INTS1: variants seen among roughly 807,000 people sequenced by gnomAD.
INTS1 encodes integrator complex subunit 1.
INTS1 carries 137 observed loss-of-function variants against 241.6 expected under a neutral mutation model. The observed-to-expected ratio is 0.57, with a 90% CI of 0.49 to 0.65. The LOEUF (loss-of-function observed/expected upper bound fraction) is 0.65, where lower values mean the gene tolerates loss of function less well. INTS1 is among the 30% of genes least tolerant of loss of function. The probability of loss-of-function intolerance (pLI) is 0.00; values close to 1 mark genes in which losing one functional copy is unlikely to be tolerated. For synonymous variants in INTS1, 1,692 were observed against 1,337.8 expected (o/e 1.26, Z -5.78); for missense variants, 3,073 against 3,032.2 (o/e 1.01, Z -0.32).
chr7:1,473,774 G>A (rs886709078), intron 41 of INTS1, 81 bp from the exon 42 acceptor site: 16 of 1,556,656 alleles, frequency 1.0e-5, no homozygotes, highest in African/African-American at 1.4e-5. Context: ...TGCTCCCAGA[G>A]CCTCAGGGCA....
intron 8 of INTS1, 45 bp downstream of exon 8, chr7:1,498,930 G>GGCCCCCCCCCCCCGCCCCCCCCCC: frequency 6.8e-7 from 1 of 1,460,178 alleles, no homozygotes; most frequent in African/African-American, 1.4e-5. Context: ...CACAGAGCCT[G>GGCCCCCCCCCCCCGCCCCCCCCCC]CCCCCACCCC....
intron 33 of INTS1, 42 bp from the exon 34 acceptor site, chr7:1,477,978 G>T (rs373469420): frequency 6.3e-7 from 1 of 1,577,468 alleles, no homozygotes; most frequent in Non-Finnish European, 8.7e-7. Context: ...CTCCCAGGTC[G>T]GGTGGGGGCC....
chr7:1,500,295 C>T lies in INTS1; in HGVS notation c.421G>A (p.Val141Met), dbSNP rs376105383. 2.8e-5 allele frequency: 44 copies of T among 1,593,432 alleles called. No homozygotes were observed. Among genetic ancestry groups the T allele is most frequent in the Admixed American group, 1.7e-5 (1 of 57,980 alleles). The change falls in exon 4 of 48, where the codon GTG becomes ATG. Residue 141 changes from valine (V) to methionine (M), a missense_variant. Transcript: ENST00000404767. The part of the protein sequence containing the change: ...LEGNDDRIEG[V>M]LCGAVKQLKV... ...AGCTGCTTCACGGCCCCGCACAGCA[C>T]GCCCTCGATCCTGTCATCGTTGCCC...
At chr7:1,489,895 GTC>G (rs1782463320) in intron 16 of INTS1, among the ~76,000 whole-genome samples, 1 of 151,840 alleles carries the variant, frequency 6.6e-6, no homozygotes, top group Non-Finnish European at 1.5e-5. Context: ...ACCTTTCTAA[GTC>G]TCTGTTTCCC....
chr7:1,498,292 CGAG>C lies in INTS1; in HGVS notation c.1425+117_1425+119del. 6 of 1,452,386 alleles carry C rather than the reference CGAG, an allele frequency of 4.1e-6. No individual in the cohort carries two copies. In the East Asian group the frequency reaches 9.9e-5, roughly 24 times the overall value. The allele number at this position is 1,452,386 out of a possible 1,614,324, so 90.0% of individuals were successfully genotyped here. Reference sequence around the variant, plus strand: ...AGTTTCAAAAGCTCCTTCCCGAGACCGAGGAGCATTCTCCCACGAAGCACTGCC... The same window carrying C: ...AGTTTCAAAAGCTCCTTCCCGAGACCGAGCATTCTCCCACGAAGCACTGCC... On this transcript the variant is annotated intron_variant, in intron 10 of 47. Transcript: ENST00000404767.
chr7:1,493,521 T>C lies in INTS1; in HGVS notation c.2068+233A>G, dbSNP rs933061327. On this transcript the variant is annotated intron_variant, in intron 15 of 47. Coordinates refer to ENST00000404767, the MANE Select transcript of INTS1 (RefSeq NM_001080453.3). The surrounding 1 kb of genome is among the most constrained non-coding windows in gnomAD (Gnocchi z 5.3). ...CACCGAGAATGCCAATTCCAAAAAA[T>C]GTGCAAATTCCAAAGAACGGGGCAG... Among the ~76,000 whole-genome samples the C allele has an allele frequency of 6.6e-6, 1 of 151,182 alleles. No homozygotes were observed. Among genetic ancestry groups the C allele is most frequent in the African/African-American group, 2.4e-5 (1 of 41,030 alleles).
At chr7:1,495,324 C>A in intron 13 of INTS1, 109 bp downstream of exon 13, 2 of 1,344,454 alleles carry the variant, frequency 1.5e-6, no homozygotes, top group Non-Finnish European at 2.0e-6. Context: ...CTGTGCGGGG[C>A]CTGGCTTGTC....
intron 39 of INTS1, 78 bp downstream of exon 39, chr7:1,475,870 C>T: frequency 6.7e-7 from 1 of 1,491,588 alleles, no homozygotes; most frequent in Non-Finnish European, 9.0e-7. Flanking sequence ...GCCATGTACA[C>T]TGTGGCCTCC....
At position 1,499,544 on chromosome 7, in the gene INTS1, T is replaced by G; in HGVS notation, c.773A>C (p.Asn258Thr). ...TFVDNIQTAF[N>T]TRMPPRSVLL... ...CACGCTCCTGGGGGGCATTCTGGTG[T>G]TGAAGGCCGTCTGGATGTTGTCCAC... Residue 258 changes from asparagine to threonine, a missense_variant, in exon 6 of 48, where the codon AAC becomes ACC. By Grantham distance (65) the Asn-to-Thr change is moderately conservative. Transcript: ENST00000404767. 6.2e-7 allele frequency: 1 copy of G among 1,613,342 alleles called. No homozygotes were observed. The highest frequency in any genetic ancestry group is 1.3e-5 in the African/African-American group (1 of 75,048).
chr7:1,472,697 G>T (rs1781527359), intron 43 of INTS1, among the ~76,000 whole-genome samples: 2 of 152,218 alleles, frequency 1.3e-5, no homozygotes, highest in Non-Finnish European at 1.5e-5. Flanking sequence ...GAGACGTGCT[G>T]CGGTGCCGTG....
chr7:1,483,448 T>C, intron 26 of INTS1: 2 of 486,640 alleles, frequency 4.1e-6, no homozygotes, highest in Non-Finnish European at 7.6e-6. Context: ...GCCTACACGG[T>C]TAGGCTGGGG....
intron 16 of INTS1, among the ~76,000 whole-genome samples, chr7:1,492,302 G>A (rs534033828): frequency 6.6e-6 from 1 of 152,310 alleles, no homozygotes; most frequent in Non-Finnish European, 1.5e-5. Flanking sequence ...CAGCACAGGT[G>A]ACCCCGGAAA....
At chr7:1,478,344 G>T in intron 33 of INTS1, 22 bp downstream of exon 33, 11 of 1,609,108 alleles carry the variant, frequency 6.8e-6, no homozygotes, top group Non-Finnish European at 9.3e-6. Flanking sequence ...CGTGGCCCAA[G>T]AGGATGGTGC....
intron 2 of INTS1, among the ~76,000 whole-genome samples, 191 bp from the exon 3 acceptor site, chr7:1,503,382 T>A (rs1372497038): frequency 6.6e-6 from 1 of 152,146 alleles, no homozygotes; most frequent in Non-Finnish European, 1.5e-5. Flanking sequence ...TGGTGGACAG[T>A]CACGTAGCGC....
chr7:1,476,832 C>T lies in INTS1; in HGVS notation c.5025G>A (p.Gln1675=), dbSNP rs906460232. 4.3e-6 allele frequency: 7 copies of T among 1,613,042 alleles called. No homozygotes were observed. The highest frequency in any genetic ancestry group is 5.9e-6 in the Non-Finnish European group (7 of 1,179,866). The change falls in exon 36 of 48, where the codon CAG becomes CAA. Residue 1675 remains glutamine (Q), a synonymous_variant. Transcript: ENST00000404767. Reference sequence around the variant, plus strand: ...TCTTGCCCAGCAGGACTCGGATGCACTGGTGCAGTGTGGGCCAGCTGGACT... The same window carrying T: ...TCTTGCCCAGCAGGACTCGGATGCATTGGTGCAGTGTGGGCCAGCTGGACT... ...THQSSWPTLH[Q]CIRVLLGKSR... is the part of the protein sequence containing the mutation.
intron 16 of INTS1, among the ~76,000 whole-genome samples, chr7:1,492,765 G>A (rs56315048): frequency 0.47 from 70,810 of 151,950 alleles, 16,991 homozygotes; most frequent in East Asian, 0.7. Flanking sequence ...GTCAAGGCCC[G>A]TAGTGGCCTC....
At position 1,504,001 on chromosome 7, in the gene INTS1, C is replaced by A; in HGVS notation, c.-41G>T. ...GCGGCTCCCGGCGGCTGCGGCGTCA[C>A]CTGCGGAGGAGCCAGCGTGCGGTCA... On this transcript the variant is annotated splice_region_variant and 5_prime_UTR_variant, in exon 2 of 48. Transcript: ENST00000404767. 1.4e-6 allele frequency: 2 copies of A among 1,473,870 alleles called. No homozygotes were observed. Among genetic ancestry groups the A allele is most frequent in the Non-Finnish European group, 1.8e-6 (2 of 1,086,724 alleles). 91.3% of individuals were successfully genotyped at this position (1,473,870 alleles called of 1,614,324 possible). A position where few individuals can be genotyped will look rare whatever the true frequency, so the allele number is the denominator to read the frequency against.
rs771477177 is a variant in INTS1, at chr7:1,473,111, C to T, written c.6031G>A (p.Asp2011Asn). The change falls in exon 43 of 48, where the codon GAC becomes AAC. Residue 2011 changes from aspartate (D) to asparagine (N), a missense_variant. Transcript: ENST00000404767. ...LLAGLSLPSR[D>N]DRTDRGLDEE... ...TCCAGGCCTCGGTCGGTCCTGTCGT[C>T]CCTGCTGGGCAGGCTGAGCCCTGCA... 1 of 1,611,904 alleles carries T rather than the reference C, an allele frequency of 6.2e-7. No individual in the cohort carries two copies. Among genetic ancestry groups the T allele is most frequent in the Non-Finnish European group, 8.5e-7 (1 of 1,179,256 alleles).
intron 42 of INTS1, 118 bp from the exon 43 acceptor site, chr7:1,473,302 GACGCTCAGA>G: frequency 1.7e-6 from 1 of 599,068 alleles, no homozygotes; most frequent in Non-Finnish European, 2.9e-6. Flanking sequence ...GAGAGGCCAG[GACGCTCAGA>G]GGGAGGGCCG....
Sources: allele counts gnomAD v4.1 joint callset (sites outside exome capture counted in the v4.1 genomes callset), GRCh38; gene constraint gnomAD v4.1.1; non-coding constraint Gnocchi (gnomAD v3.1); transcripts MANE v1.5; gene names NCBI Gene and HGNC (gene_info 2026-07-23, HGNC 2026-07-21).